The following CEP290 variants were observed in gnomAD, a reference collection of about 807,000 sequenced individuals.
The protein encoded by CEP290 is centrosomal protein 290, also known as centrosomal protein of 290 kDa.
In CEP290, 317 loss-of-function variants were observed where a neutral mutation model predicts 344.9. That is an observed-to-expected ratio of 0.92 (90% confidence interval 0.84 to 1.01). The LOEUF is 1.01. Among genes scored for constraint, CEP290 ranks in the 50% least tolerant of loss-of-function variants. The probability of loss-of-function intolerance (pLI) is 0.00; values close to 1 mark genes in which losing one functional copy is unlikely to be tolerated. For missense variants in CEP290, 2,754 were observed against 2,761.4 expected (o/e 1.00, Z 0.06); for synonymous variants, 932 against 895.8 (o/e 1.04, Z -0.72).
chr12:88,116,309 T>C (rs1238031563), intron 18 of CEP290, among the ~76,000 whole-genome samples: 3 of 152,204 alleles, frequency 2.0e-5, no homozygotes, highest in Non-Finnish European at 4.4e-5. Flanking sequence ...TCTCTCTTAT[T>C]GTAATAGTTT....
intron 27 of CEP290, among the ~76,000 whole-genome samples, chr12:88,096,087 C>T (rs1488088731): frequency 2.6e-5 from 4 of 151,240 alleles, no homozygotes; most frequent in African/African-American, 4.9e-5. Context: ...TCACTCTTAT[C>T]GCCTAGGCTG....
At chr12:88,127,863 A>G (rs777973774) in intron 11 of CEP290, among the ~76,000 whole-genome samples, 2 of 152,224 alleles carry the variant, frequency 1.3e-5, no homozygotes, top group African/African-American at 2.4e-5. Context: ...GAAAAATTAC[A>G]TAGCCTTTAA....
At chr12:88,083,396 T>C (rs1369633772) in intron 36 of CEP290, among the ~76,000 whole-genome samples, 166 bp from the exon 37 acceptor site, 1 of 152,224 alleles carries the variant, frequency 6.6e-6, no homozygotes, top group Non-Finnish European at 1.5e-5. Context: ...GCAGACTTTA[T>C]TATTTGTATT....
At chr12:88,078,617 C>G (rs1339689448) in intron 39 of CEP290, among the ~76,000 whole-genome samples, 1 of 151,988 alleles carries the variant, frequency 6.6e-6, no homozygotes. Flanking sequence ...ATACATTTGT[C>G]TAAACACACA....
At chr12:88,071,551 T>C in intron 42 of CEP290, 102 bp from the exon 43 acceptor site, 4 of 1,008,268 alleles carry the variant, frequency 4.0e-6, no homozygotes, top group Non-Finnish European at 5.7e-6. Context: ...TAACACCCTA[T>C]ATTTGTCATA....
At position 88,062,752 on chromosome 12, in the gene CEP290, C is replaced by T; in HGVS notation, c.6297G>A (p.Met2099Ile). The T allele has an allele frequency of 6.3e-7, 1 of 1,589,948 alleles. No homozygotes were observed. The highest frequency in any genetic ancestry group is 8.6e-7 in the Non-Finnish European group (1 of 1,166,484). ...CTTTTTCTTTCTTAAGAAATTCACA[C>T]ATTTCCTTCAAATCTCTGACTTGAT... ...LKNQVRDLKE[M>I]CEFLKKEKAE... The change falls in exon 46 of 54, where the codon ATG (methionine) becomes ATA (isoleucine). Residue 2099 changes from methionine (M) to isoleucine (I), a missense_variant. By Grantham distance (10) the Met-to-Ile change is conservative. Coordinates refer to ENST00000552810, the MANE Select transcript of CEP290 (RefSeq NM_025114.4).
intron 43 of CEP290, among the ~76,000 whole-genome samples, chr12:88,069,606 G>A (rs1375265044): frequency 3.3e-5 from 5 of 152,088 alleles, no homozygotes; most frequent in Non-Finnish European, 5.9e-5. Flanking sequence ...TCCCTATCAA[G>A]GAAACTTCTA....
intron 43 of CEP290, 36 bp downstream of exon 43, chr12:88,071,258 T>C (rs747051890): frequency 6.4e-7 from 1 of 1,553,740 alleles, no homozygotes; most frequent in Admixed American, 1.8e-5. Context: ...CAGTTTTTCA[T>C]TACAATGGGT....
In CEP290 at chr12:88,080,251, T is replaced by G. The variant is rs1215659876; in HGVS notation, c.5157A>C (p.Pro1719=). The G allele has an allele frequency of 6.2e-7, 1 of 1,613,624 alleles. No homozygotes were observed. The highest frequency in any genetic ancestry group is 1.3e-5 in the African/African-American group (1 of 74,922). The change falls in exon 38 of 54, where the codon CCA becomes CCC. Residue 1719 remains proline (P), a synonymous_variant. Coordinates refer to ENST00000552810, the MANE Select transcript of CEP290 (RefSeq NM_025114.4). The part of the protein sequence containing the change: ...QAQKEANSRA[P]TTTMRNLVER... ...CTACTAGATTTCTCATTGTAGTTGT[T>G]GGAGCTCTTGAATTTGCTTCTTTTT...
At chr12:88,111,553 G>A in intron 21 of CEP290, 141 bp downstream of exon 21, 1 of 846,204 alleles carries the variant, frequency 1.2e-6, no homozygotes, top group Non-Finnish European at 1.7e-6. Flanking sequence ...AATTTTATAA[G>A]AGAAATCCAG....
In CEP290 at chr12:88,071,291, TA is replaced by T; in HGVS notation, c.6011+2del. 1.3e-6 allele frequency: 2 copies of T among 1,596,804 alleles called. No individual in the cohort carries two copies. Among genetic ancestry groups the T allele is most frequent in the Non-Finnish European group, 1.7e-6 (2 of 1,169,172 alleles). On this transcript the variant is annotated splice_donor_variant, in intron 43 of 53. Transcript: ENST00000552810. LOFTEE classifies it high-confidence loss of function. ...GGTGGCACATTTCCACATAATAGCT[TA>T]CCTCATATACAATATATCATTTTCT...
intron 22 of CEP290, 134 bp from the exon 23 acceptor site, chr12:88,109,315 C>T: frequency 4.2e-6 from 2 of 472,276 alleles, no homozygotes; most frequent in East Asian, 7.7e-5. Context: ...CAACACAGAT[C>T]ATTTTTCCAT....
intron 3 of CEP290, among the ~76,000 whole-genome samples, chr12:88,140,301 T>C (rs766818692): frequency 6.6e-6 from 1 of 152,232 alleles, no homozygotes; most frequent in African/African-American, 2.4e-5. Context: ...CATAATATAC[T>C]CAGTTTTGCC....
intron 37 of CEP290, 128 bp from the exon 38 acceptor site, chr12:88,080,523 A>G (rs2036125551): frequency 2.2e-5 from 14 of 636,006 alleles, no homozygotes; most frequent in Non-Finnish European, 3.7e-5. Flanking sequence ...TCTGCCTCCC[A>G]GATTCAAGTG....
chr12:88,104,174 C>T (rs990881395), intron 25 of CEP290: 1 of 151,966 alleles, frequency 6.6e-6, no homozygotes, highest in Non-Finnish European at 1.5e-5. Flanking sequence ...TTTCTTGATG[C>T]TCAGTATTAA....
chr12:88,071,964 G>A, intron 41 of CEP290, 38 bp from the exon 42 acceptor site: 1 of 1,497,962 alleles, frequency 6.7e-7, no homozygotes, highest in Non-Finnish European at 8.9e-7. Context: ...AATTACCAGT[G>A]TTATTTTAAA....
intron 26 of CEP290, among the ~76,000 whole-genome samples, chr12:88,097,589 A>G (rs1428215206): frequency 8.0e-6 from 1 of 125,670 alleles, no homozygotes; most frequent in East Asian, 2.4e-4. Flanking sequence ...ACATACATAT[A>G]TATATACACA....
chr12:88,128,897 A>C lies in CEP290; in HGVS notation c.942+49T>G, dbSNP rs769508685. On this transcript the variant is annotated intron_variant, in intron 11 of 53. Coordinates refer to ENST00000552810, the MANE Select transcript of CEP290 (RefSeq NM_025114.4). ...AAAGAAAAATAAGACTAAAATTTAA[A>C]TCTAAAATACAAAAAGAAAAAGTTA... The C allele has an allele frequency of 3.5e-6, 4 of 1,145,814 alleles. No individual in the cohort carries two copies. The South Asian group carries it at 6.7e-5, about 19-fold the overall frequency. The allele number at this position is 1,145,814 out of a possible 1,614,324, so 71.0% of individuals were successfully genotyped here.
In CEP290 at chr12:88,130,281, A is replaced by C; in HGVS notation, c.656T>G (p.Leu219Arg). 6.2e-7 allele frequency: 1 copy of C among 1,600,482 alleles called. No individual in the cohort carries two copies. Among genetic ancestry groups the C allele is most frequent in the Non-Finnish European group, 8.5e-7 (1 of 1,176,386 alleles). The change falls in exon 9 of 54, where the codon CTT becomes CGT. Residue 219 changes from leucine (L) to arginine (R), a missense_variant. Leu to Arg is a moderately radical substitution (Grantham distance 102, BLOSUM62 -2). Transcript: ENST00000552810. ...SKKNYELIQY[L>R]DEIQTLTEAN... ...TAGCCATTTTACCTGAATTTCATCA[A>C]GATATTGGATAAGCTCATAGTTTTT...
Sources: allele counts gnomAD v4.1 joint callset (sites outside exome capture counted in the v4.1 genomes callset), GRCh38; gene constraint gnomAD v4.1.1; transcripts MANE v1.5; gene names NCBI Gene and HGNC (gene_info 2026-07-23, HGNC 2026-07-21).